The following FBXL20 variants were observed in gnomAD, a reference collection of about 807,000 sequenced individuals.
FBXL20 encodes F-box and leucine rich repeat protein 20.
A neutral mutation model predicts 64.0 loss-of-function variants in FBXL20; 11 were observed. The ratio of observed to expected loss-of-function variants is 0.17; its 90% CI spans 0.11 to 0.28. The LOEUF (loss-of-function observed/expected upper bound fraction) is 0.28, where lower values mean the gene tolerates loss of function less well. Ranked by LOEUF, FBXL20 falls within the 10% of genes least tolerant of loss-of-function variation. The pLI is 1.00. For synonymous variants in FBXL20, 184 were observed against 189.0 expected, an observed-to-expected ratio of 0.97 and a Z score of 0.22; for missense variants, 303 against 526.2, an observed-to-expected ratio of 0.58 and a Z score of 4.15.
At chr17:39,262,070 G>A (rs1334605035) in intron 14 of FBXL20, among the ~76,000 whole-genome samples, 2 of 151,954 alleles carry the variant, frequency 1.3e-5, no homozygotes, top group Admixed American at 6.6e-5. Flanking sequence ...GAACCCTAAT[G>A]TAAGTAGGCA....
rs1032145881 is a variant in FBXL20 at position 39,260,430 on chromosome 17, T to C, written c.*1030A>G. ...GAAGGAAGAATATGTAGGGGGAATA[T>C]TGGGGATACCATGCGAATTATCACA... is the stretch of plus-strand genomic sequence containing the variant. On this transcript the variant is annotated 3_prime_UTR_variant, in exon 15 of 15. Coordinates refer to ENST00000264658, the MANE Select transcript of FBXL20 (RefSeq NM_032875.3). 2.0e-4 allele frequency: 30 copies of C among 152,144 alleles called. No homozygotes were observed. Among genetic ancestry groups the C allele is most frequent in the African/African-American group, 7.0e-4 (29 of 41,426 alleles). 9.4% of individuals were successfully genotyped at this position (152,144 alleles called of 1,614,324 possible).
At chr17:39,312,620 C>G (rs1199502811) in intron 2 of FBXL20, among the ~76,000 whole-genome samples, 6 of 115,942 alleles carry the variant, frequency 5.2e-5, no homozygotes, top group African/African-American at 1.8e-4. Flanking sequence ...GTCCCCTGGG[C>G]TGGAGTGCAG....
At chr17:39,362,169 T>C (rs1331636029) in intron 1 of FBXL20, among the ~76,000 whole-genome samples, 1 of 151,792 alleles carries the variant, frequency 6.6e-6, no homozygotes, top group Non-Finnish European at 1.5e-5. Context: ...GGCGGGCGCC[T>C]GCAGTCCCAG....
intron 10 of FBXL20, among the ~76,000 whole-genome samples, chr17:39,271,976 C>T (rs1043872759): frequency 6.6e-6 from 1 of 151,998 alleles, no homozygotes; most frequent in African/African-American, 2.4e-5. Context: ...TGGCGGGGTG[C>T]GGTGGCTCAC....
At chr17:39,314,234 T>A (rs1032540471) in intron 2 of FBXL20, among the ~76,000 whole-genome samples, 2 of 152,226 alleles carry the variant, frequency 1.3e-5, no homozygotes, top group Admixed American at 6.5e-5. Flanking sequence ...TTAAAGAATA[T>A]ATCCATGTTG....
intron 2 of FBXL20, among the ~76,000 whole-genome samples, chr17:39,337,012 T>C (rs2144555314): frequency 6.6e-6 from 1 of 150,698 alleles, no homozygotes; most frequent in African/African-American, 2.5e-5. Context: ...TCCCTCTCTT[T>C]CCACCGTCTC....
intron 10 of FBXL20, among the ~76,000 whole-genome samples, chr17:39,273,286 G>C (rs1250230935): frequency 6.6e-6 from 1 of 152,120 alleles, no homozygotes; most frequent in Non-Finnish European, 1.5e-5. Context: ...AAAGTGTTGG[G>C]ATTACAGGTG....
At chr17:39,359,485 T>C (rs896174714) in intron 1 of FBXL20, among the ~76,000 whole-genome samples, 9 of 151,900 alleles carry the variant, frequency 5.9e-5, no homozygotes, top group African/African-American at 2.2e-4. Flanking sequence ...TAGCCAGGCG[T>C]GGTAGCACAC....
chr17:39,315,829 CAGAGAGAGAGAGAGAGAGAGAGAG>C (rs141728220), intron 2 of FBXL20, among the ~76,000 whole-genome samples: 2 of 129,686 alleles, frequency 1.5e-5, no homozygotes, highest in Non-Finnish European at 3.3e-5. Flanking sequence ...GAGAGAGAGA[CAGAGAGAGAGAGAGAGAGAGAGAG>C]AGAGAGAGAG....
rs977839088 is a variant in FBXL20, at chr17:39,259,135, T to C, written c.*2325A>G. On this transcript the variant is annotated 3_prime_UTR_variant, in exon 15 of 15. Coordinates refer to ENST00000264658, the MANE Select transcript of FBXL20 (RefSeq NM_032875.3). ...ATAAATAAATCAGACTTTATTCTTA[T>C]ATATGCTGGTATAATCAGCAACTGC... is the stretch of plus-strand genomic sequence containing the variant. 6.6e-6 allele frequency: 1 copy of C among 152,108 alleles called. No individual in the cohort carries two copies. The highest frequency in any genetic ancestry group is 1.5e-5 in the Non-Finnish European group (1 of 68,038). 9.4% of individuals were successfully genotyped at this position (152,108 alleles called of 1,614,324 possible).
At chr17:39,344,022 C>T (rs2047608261) in intron 1 of FBXL20, among the ~76,000 whole-genome samples, 1 of 152,088 alleles carries the variant, frequency 6.6e-6, no homozygotes, top group African/African-American at 2.4e-5. Context: ...TGCCACGGTG[C>T]CCAGCTAATT....
rs764436920 is a variant in FBXL20, at chr17:39,275,108, A to G, written c.697-8T>C. 1.2e-6 allele frequency: 2 copies of G among 1,600,480 alleles called. No homozygotes were observed. The highest frequency in any genetic ancestry group is 1.7e-6 in the Non-Finnish European group (2 of 1,175,640). ...ACCTTCATCTGTGATTTGCTAAAAA[A>G]CAAGAGCAAAAAAATCCATAGATAT... On this transcript the variant is annotated splice_polypyrimidine_tract_variant and splice_region_variant and intron_variant, in intron 9 of 14. Coordinates refer to ENST00000264658, the MANE Select transcript of FBXL20 (RefSeq NM_032875.3).
At chr17:39,333,773 G>T (rs1597803341) in intron 2 of FBXL20, among the ~76,000 whole-genome samples, 6 of 151,998 alleles carry the variant, frequency 3.9e-5, no homozygotes, top group African/African-American at 1.4e-4. Context: ...TCTGAGATGT[G>T]AAGAGTGCCT....
intron 2 of FBXL20, among the ~76,000 whole-genome samples, chr17:39,334,449 C>T (rs2047500026): frequency 6.6e-6 from 1 of 150,648 alleles, no homozygotes; most frequent in African/African-American, 2.4e-5. Flanking sequence ...CTCCGAGAAA[C>T]ACCCAAGAAT....
chr17:39,297,979 C>T (rs2047101655), intron 5 of FBXL20, among the ~76,000 whole-genome samples: 2 of 152,154 alleles, frequency 1.3e-5, no homozygotes, highest in Non-Finnish European at 2.9e-5. Context: ...TCAAGTGATC[C>T]ACCCACATCA....
intron 6 of FBXL20, among the ~76,000 whole-genome samples, chr17:39,288,335 C>T (rs2047007485): frequency 6.6e-6 from 1 of 152,176 alleles, no homozygotes; most frequent in South Asian, 2.1e-4. Flanking sequence ...TCCAAGACTT[C>T]AGCCCATTTT....
At chr17:39,342,297 G>A (rs1415604632) in intron 2 of FBXL20, among the ~76,000 whole-genome samples, 1 of 151,966 alleles carries the variant, frequency 6.6e-6, no homozygotes, top group Non-Finnish European at 1.5e-5. Flanking sequence ...CGGGTACAGT[G>A]GCTCAAGTCT....
chr17:39,261,402 C>G lies in FBXL20; in HGVS notation c.*58G>C, dbSNP rs1227867761. Reference sequence around the variant, plus strand: ...GGTTGCTTCCACTGGAGAGACTCCACGGTAGCTCTAGAAGTGTCATTAAAT... The same window carrying G: ...GGTTGCTTCCACTGGAGAGACTCCAGGGTAGCTCTAGAAGTGTCATTAAAT... On this transcript the variant is annotated 3_prime_UTR_variant, in exon 15 of 15. Transcript: ENST00000264658. 3 of 1,384,634 alleles carry G rather than the reference C, an allele frequency of 2.2e-6. No homozygotes were observed. The highest frequency in any genetic ancestry group is 3.4e-5 in the Admixed American group (2 of 59,504). The allele number at this position is 1,384,634 out of a possible 1,614,324, so 85.8% of individuals were successfully genotyped here. A position where few individuals can be genotyped will look rare whatever the true frequency, so the allele number is the denominator to read the frequency against.
rs746642764 is a variant in FBXL20 at position 39,303,650 on chromosome 17, AAG to A, written c.105-13_105-12del. 5 of 1,602,444 alleles carry A rather than the reference AAG, an allele frequency of 3.1e-6. No homozygotes were observed. Among genetic ancestry groups the A allele is most frequent in the Non-Finnish European group, 4.3e-6 (5 of 1,173,978 alleles). ...AGAAAAGAAAATATCCTAAAAAGAA[AAG>A]AGAGAAAGACAAATTTTATTGTATG... On this transcript the variant is annotated splice_polypyrimidine_tract_variant and intron_variant, in intron 2 of 14. Transcript: ENST00000264658.
Sources: gnomAD v4.1 joint callset for allele counts (sites outside exome capture counted in the v4.1 genomes callset) on GRCh38, gnomAD v4.1.1 for gene constraint, MANE v1.5 for transcripts, NCBI Gene and HGNC (gene_info 2026-07-23, HGNC 2026-07-21) for gene names.